PIP5K1C: variants seen among roughly 807,000 people sequenced by gnomAD.
PIP5K1C encodes phosphatidylinositol-4-phosphate 5-kinase type 1 gamma.
In PIP5K1C, 45 loss-of-function variants were observed where a neutral mutation model predicts 80.1. The observed-to-expected ratio is 0.56, with a 90% CI of 0.44 to 0.72. The LOEUF is 0.72. Ranked by LOEUF, PIP5K1C falls within the 30% of genes least tolerant of loss-of-function variation. The pLI, the probability that PIP5K1C is intolerant of heterozygous loss-of-function variation, is 0.00. For missense variants in PIP5K1C, 753 were observed against 954.6 expected (o/e 0.79, Z 2.78); for synonymous variants, 498 against 420.1 (o/e 1.19, Z -2.27).
intron 1 of PIP5K1C, among the ~76,000 whole-genome samples, chr19:3,687,391 A>G (rs1448387313): frequency 6.6e-6 from 1 of 152,172 alleles, no homozygotes; most frequent in East Asian, 1.9e-4. Context: ...AAAGAAGTCC[A>G]AGTGTGCAAT....
In PIP5K1C at chr19:3,630,943, G is replaced by C. The variant is rs376582556; in HGVS notation, c.*2224C>G. ...TAGGTCTTGCCGTCCTCCTGCCCCCGCCCCTCGGCACAGTCAGTGGAGCAC... is the reference window on the plus strand; with the variant it reads ...TAGGTCTTGCCGTCCTCCTGCCCCCCCCCCTCGGCACAGTCAGTGGAGCAC... On this transcript the variant is annotated 3_prime_UTR_variant, in exon 18 of 18. Transcript: ENST00000335312. The C allele has an allele frequency of 6.6e-6, 1 of 152,208 alleles. No individual in the cohort carries two copies. The highest frequency in any genetic ancestry group is 1.5e-5 in the Non-Finnish European group (1 of 68,068). The allele number at this position is 152,208 out of a possible 1,614,324, so 9.4% of individuals were successfully genotyped here.
At chr19:3,693,878 G>A (rs1428320434) in intron 1 of PIP5K1C, among the ~76,000 whole-genome samples, 1 of 152,068 alleles carries the variant, frequency 6.6e-6, no homozygotes, top group Non-Finnish European at 1.5e-5. Flanking sequence ...CTCGCACCCT[G>A]GACAACATAG....
chr19:3,700,295 A>G lies in PIP5K1C; in HGVS notation c.94+2T>C. 7.9e-7 allele frequency: 1 copy of G among 1,273,434 alleles called. No homozygotes were observed. The highest frequency in any genetic ancestry group is 1.0e-6 in the Non-Finnish European group (1 of 993,196). The allele number at this position is 1,273,434 out of a possible 1,614,324, so 78.9% of individuals were successfully genotyped here. A position where few individuals can be genotyped will look rare whatever the true frequency, so the allele number is the denominator to read the frequency against. On this transcript the variant is annotated splice_donor_variant, in intron 1 of 17. Transcript: ENST00000335312. LOFTEE classifies it high-confidence loss of function. The stretch of plus-strand genomic sequence containing the variant: ...CGCAGCCCCGGGAGGCCGGGCCGTT[A>G]CCTGCCGCCGCCCCGCTCTCTGCCG...
At chr19:3,670,322 G>A (rs1023580410) in intron 1 of PIP5K1C, among the ~76,000 whole-genome samples, 1 of 152,220 alleles carries the variant, frequency 6.6e-6, no homozygotes, top group East Asian at 1.9e-4. Context: ...GTAAGATGAG[G>A]TCATGCCGGA....
At position 3,697,201 on chromosome 19, in the gene PIP5K1C, G is replaced by A. The variant is rs200538972; in HGVS notation, c.94+3096C>T. ...AAGCTGGACTGGGGAGGACTGAGCC[G>A]GATGGAGGAGGACTAAGCTGGACCG... is the stretch of plus-strand genomic sequence containing the variant. On this transcript the variant is annotated intron_variant, in intron 1 of 17. Transcript: ENST00000335312. Among the ~76,000 whole-genome samples the A allele has an allele frequency of 5.4e-4, 82 of 151,064 alleles. 1 individual carries two copies. In the East Asian group the frequency reaches 6.4e-3, roughly 12 times the overall value.
intron 1 of PIP5K1C, among the ~76,000 whole-genome samples, chr19:3,670,708 C>A (rs2035177760): frequency 6.6e-6 from 1 of 152,178 alleles, no homozygotes; most frequent in Non-Finnish European, 1.5e-5. Flanking sequence ...GCAGCAAGAA[C>A]AGCTGAAGGG....
Position 3,637,306 on chromosome 19 carries a change from T to C in PIP5K1C, c.1920+1578A>G. Reference sequence around the variant, plus strand: ...TGCACCTGGTGATGGTGCTGCCCTATGGAGCGCCCGGTTCGACGTGGGACC... The same window carrying C: ...TGCACCTGGTGATGGTGCTGCCCTACGGAGCGCCCGGTTCGACGTGGGACC... On this transcript the variant is annotated intron_variant, in intron 16 of 17. Coordinates refer to ENST00000335312, the MANE Select transcript of PIP5K1C (RefSeq NM_012398.3). This position sits in a 1 kb window ranked among gnomAD's most constrained non-coding sequence, Gnocchi z 7.0. 2.0e-6 allele frequency: 3 copies of C among 1,515,396 alleles called. No individual in the cohort carries two copies. The highest frequency in any genetic ancestry group is 2.6e-6 in the Non-Finnish European group (3 of 1,136,186). The allele number at this position is 1,515,396 out of a possible 1,614,324, so 93.9% of individuals were successfully genotyped here.
chr19:3,667,213 G>A (rs1470334203), intron 2 of PIP5K1C, 109 bp downstream of exon 2: 7 of 914,960 alleles, frequency 7.7e-6, no homozygotes, highest in African/African-American at 1.6e-5. Flanking sequence ...GGCATTTGGG[G>A]CCCAGAGAGG....
At chr19:3,676,466 C>T (rs946074230) in intron 1 of PIP5K1C, among the ~76,000 whole-genome samples, 1 of 152,204 alleles carries the variant, frequency 6.6e-6, no homozygotes, top group East Asian at 1.9e-4. Flanking sequence ...CTGGGTTTCT[C>T]GAAAAACAGG....
rs541060198 is a variant in PIP5K1C, at chr19:3,696,399, C to T, written c.94+3898G>A. On this transcript the variant is annotated intron_variant, in intron 1 of 17. Coordinates refer to ENST00000335312, the MANE Select transcript of PIP5K1C (RefSeq NM_012398.3). The surrounding 1 kb of genome is among the most constrained non-coding windows in gnomAD (Gnocchi z 4.1). ...CTCAGGAGGAGATGGTCAGAAAACA[C>T]GTCAGCAGAGCCATATGTTTCAGGT... Among the ~76,000 whole-genome samples, 16 of 152,296 alleles carry T rather than the reference C, an allele frequency of 1.1e-4. No homozygotes were observed. The highest frequency in any genetic ancestry group is 8.3e-4 in the South Asian group (4 of 4,822).
In PIP5K1C at chr19:3,661,006, T is replaced by C; in HGVS notation, c.428A>G (p.Tyr143Cys). ...FKTYAPVAFR[Y>C]FRELFGIRPD... The stretch of plus-strand genomic sequence containing the variant: ...CCGGATCCCAAAGAGCTCCCGGAAG[T>C]AGCGGAAGGCGACAGGTGCATAGGT... The change falls in exon 5 of 18, where the codon TAC (tyrosine) becomes TGC (cysteine). Residue 143 changes from tyrosine (Y) to cysteine (C), a missense_variant. By Grantham distance (194) the Tyr-to-Cys change is radical. Coordinates refer to ENST00000335312, the MANE Select transcript of PIP5K1C (RefSeq NM_012398.3). 3 of 1,613,848 alleles carry C rather than the reference T, an allele frequency of 1.9e-6. No individual in the cohort carries two copies. Among genetic ancestry groups the C allele is most frequent in the Non-Finnish European group, 2.5e-6 (3 of 1,179,938 alleles).
At chr19:3,681,177 C>T (rs371070945) in intron 1 of PIP5K1C, among the ~76,000 whole-genome samples, 33 of 150,924 alleles carry the variant, frequency 2.2e-4, no homozygotes, top group Admixed American at 4.6e-4. Flanking sequence ...CACTATTCTC[C>T]GGGTGTGTAC....
At chr19:3,678,505 AGGATGGTG>A (rs2035476646) in intron 1 of PIP5K1C, among the ~76,000 whole-genome samples, 1 of 95,534 alleles carries the variant, frequency 1.0e-5, no homozygotes. Flanking sequence ...GGAGGATGGA[AGGATGGTG>A]GGATGGAGGG....
chr19:3,633,016 C>G lies in PIP5K1C; in HGVS notation c.*151G>C. On this transcript the variant is annotated 3_prime_UTR_variant, in exon 18 of 18. Transcript: ENST00000335312. ...GGAGGCTTGTCGGGGAGGGGCCCGGCCGTCGGCATCCGTGCAGGGGGAGGA... is the reference window on the plus strand; with the variant it reads ...GGAGGCTTGTCGGGGAGGGGCCCGGGCGTCGGCATCCGTGCAGGGGGAGGA... 1.8e-6 allele frequency: 1 copy of G among 552,298 alleles called. No homozygotes were observed. Among genetic ancestry groups the G allele is most frequent in the South Asian group, 2.3e-5 (1 of 43,496 alleles). The allele number at this position is 552,298 out of a possible 1,614,324, so 34.2% of individuals were successfully genotyped here. A position where few individuals can be genotyped will look rare whatever the true frequency, so the allele number is the denominator to read the frequency against.
chr19:3,638,798 T>C, intron 16 of PIP5K1C, 86 bp downstream of exon 16: 1 of 1,543,992 alleles, frequency 6.5e-7, no homozygotes, highest in African/African-American at 1.4e-5. Context: ...TGTGCAGGTG[T>C]GTGTATGCGG....
At position 3,632,462 on chromosome 19, in the gene PIP5K1C, G is replaced by C. The variant is rs1026054405; in HGVS notation, c.*705C>G. On this transcript the variant is annotated 3_prime_UTR_variant, in exon 18 of 18. Coordinates refer to ENST00000335312, the MANE Select transcript of PIP5K1C (RefSeq NM_012398.3). ...GAGGAGGCCTGGCCCTCCAGCTGTGGTGGGTCTGGATTGGAGGCGCCAGAG... is the reference window on the plus strand; with the variant it reads ...GAGGAGGCCTGGCCCTCCAGCTGTGCTGGGTCTGGATTGGAGGCGCCAGAG... 5.9e-5 allele frequency: 9 copies of C among 152,404 alleles called. No individual in the cohort carries two copies. The highest frequency in any genetic ancestry group is 1.7e-4 in the African/African-American group (7 of 41,464). 9.4% of individuals were successfully genotyped at this position (152,404 alleles called of 1,614,324 possible). A position where few individuals can be genotyped will look rare whatever the true frequency, so the allele number is the denominator to read the frequency against.
chr19:3,696,033 C>G lies in PIP5K1C; in HGVS notation c.94+4264G>C, dbSNP rs1344133281. On this transcript the variant is annotated intron_variant, in intron 1 of 17. Coordinates refer to ENST00000335312, the MANE Select transcript of PIP5K1C (RefSeq NM_012398.3). The surrounding 1 kb of genome is among the most constrained non-coding windows in gnomAD (Gnocchi z 4.1). ...GGTGTGAGCCACCGTGCCCGGCCTC[C>G]CTGACCTTTTTACACAGACCACCAC... 6.6e-6 allele frequency among the ~76,000 whole-genome samples: 1 copy of G among 152,128 alleles called. No individual in the cohort carries two copies.
chr19:3,637,846 G>A lies in PIP5K1C; in HGVS notation c.1920+1038C>T, dbSNP rs1475444667. ...GCATCAGGACACAGACACACAGCAC[G>A]ACATGGCCCCCAGGCCCCCCGTACC... On this transcript the variant is annotated intron_variant, in intron 16 of 17. Coordinates refer to ENST00000335312, the MANE Select transcript of PIP5K1C (RefSeq NM_012398.3). The surrounding 1 kb of genome is among the most constrained non-coding windows in gnomAD (Gnocchi z 7.0). 2.1e-5 allele frequency: 32 copies of A among 1,535,222 alleles called. 1 individual carries two copies. The highest frequency in any genetic ancestry group is 1.8e-4 in the South Asian group (15 of 84,052).
Position 3,637,568 on chromosome 19 carries a change from G to A in PIP5K1C, c.1920+1316C>T. On this transcript the variant is annotated intron_variant, in intron 16 of 17. Coordinates refer to ENST00000335312, the MANE Select transcript of PIP5K1C (RefSeq NM_012398.3). This position sits in a 1 kb window ranked among gnomAD's most constrained non-coding sequence, Gnocchi z 7.0. Reference sequence around the variant, plus strand: ...GAGGCGCTCAGCGTCACGGCCCGCAGTCGGCGATGGCGGGGAGAGTAAATC... The same window carrying A: ...GAGGCGCTCAGCGTCACGGCCCGCAATCGGCGATGGCGGGGAGAGTAAATC... 6.5e-7 allele frequency: 1 copy of A among 1,534,868 alleles called. No homozygotes were observed. The highest frequency in any genetic ancestry group is 1.2e-5 in the South Asian group (1 of 83,974).
Sources: gnomAD v4.1 joint callset for allele counts (sites outside exome capture counted in the v4.1 genomes callset) on GRCh38, gnomAD v4.1.1 for gene constraint, Gnocchi (gnomAD v3.1) non-coding constraint, MANE v1.5 for transcripts, NCBI Gene and HGNC (gene_info 2026-07-23, HGNC 2026-07-21) for gene names.